The following PPFIBP2 variants were observed in gnomAD, a reference collection of about 807,000 sequenced individuals.
PPFIBP2 encodes the protein liprin-beta-2.
In PPFIBP2, 118 loss-of-function variants were observed where a neutral mutation model predicts 118.3. The observed-to-expected ratio is 1.00, with a 90% CI of 0.86 to 1.16. The LOEUF (loss-of-function observed/expected upper bound fraction) is 1.16. PPFIBP2 is among the 50% of genes most tolerant of loss of function. The pLI, the probability that PPFIBP2 is intolerant of heterozygous loss-of-function variation, is 0.00. For missense variants in PPFIBP2, 1,195 were observed against 1,073.1 expected (o/e 1.11, Z -1.59); for synonymous variants, 414 against 397.4 (o/e 1.04, Z -0.50).
chr11:7,635,320 C>T (rs190123773), intron 13 of PPFIBP2, among the ~76,000 whole-genome samples: 12 of 152,288 alleles, frequency 7.9e-5, no homozygotes, highest in East Asian at 1.9e-4. Flanking sequence ...CCCATGGTCA[C>T]GTGTCTCTCG....
intron 3 of PPFIBP2, among the ~76,000 whole-genome samples, chr11:7,580,983 C>G (rs972835667): frequency 2.2e-4 from 34 of 152,318 alleles, no homozygotes; most frequent in African/African-American, 7.9e-4. Flanking sequence ...AGATCAAGGT[C>G]TCAAACCAAG....
intron 6 of PPFIBP2, among the ~76,000 whole-genome samples, chr11:7,615,577 T>G (rs977108312): frequency 4.6e-5 from 7 of 152,208 alleles, no homozygotes; most frequent in Admixed American, 3.3e-4. Flanking sequence ...ACCTATTTGT[T>G]AGCTCCTAAA....
intron 8 of PPFIBP2, among the ~76,000 whole-genome samples, chr11:7,626,436 T>C (rs895488401): frequency 1.3e-5 from 2 of 152,236 alleles, no homozygotes; most frequent in African/African-American, 4.8e-5. Flanking sequence ...TATTATTCTC[T>C]AATTCATCAT....
the PPFIBP2 span, among the ~76,000 whole-genome samples, chr11:7,663,597 TTTTG>T: frequency 2.3e-3 from 354 of 152,342 alleles, 1 homozygote; most frequent in African/African-American, 8.1e-3. Flanking sequence ...ACTTCTGTCT[TTTTG>T]TTTGTCTGTT....
chr11:7,665,124 T>G, the PPFIBP2 span: 1 of 363,548 alleles, frequency 2.8e-6, no homozygotes, highest in Non-Finnish European at 5.0e-6. Context: ...TTGAGTTTAT[T>G]TCACAAAACC....
chr11:7,553,754 A>G (rs534845426), intron 2 of PPFIBP2, among the ~76,000 whole-genome samples: 1 of 152,232 alleles, frequency 6.6e-6, no homozygotes, highest in South Asian at 2.1e-4. Context: ...TGTTTTATTG[A>G]TATTAGTATT....
chr11:7,648,335 A>T, intron 17 of PPFIBP2, 52 bp from the exon 18 acceptor site: 1 of 1,550,246 alleles, frequency 6.5e-7, no homozygotes, highest in Non-Finnish European at 8.8e-7. Flanking sequence ...GATTAGATTC[A>T]GAACCTCAGG....
intron 1 of PPFIBP2, among the ~76,000 whole-genome samples, chr11:7,537,568 C>T (rs983986657): frequency 3.9e-5 from 6 of 152,240 alleles, no homozygotes; most frequent in African/African-American, 1.2e-4. Context: ...AAGATAGACT[C>T]TCATTTACGT....
chr11:7,537,607 G>A (rs1013234183), intron 1 of PPFIBP2, among the ~76,000 whole-genome samples: 2 of 152,178 alleles, frequency 1.3e-5, no homozygotes, highest in African/African-American at 4.8e-5. Flanking sequence ...CTTTCTGAGC[G>A]GTTCAGAAGG....
chr11:7,516,782 T>C (rs1432722424), intron 1 of PPFIBP2, among the ~76,000 whole-genome samples: 1 of 152,174 alleles, frequency 6.6e-6, no homozygotes, highest in Admixed American at 6.5e-5. Flanking sequence ...CCGGCTGTCT[T>C]CCTGCTTCTG....
At chr11:7,580,185 C>T (rs1053749281) in intron 3 of PPFIBP2, among the ~76,000 whole-genome samples, 7 of 152,146 alleles carry the variant, frequency 4.6e-5, no homozygotes, top group Non-Finnish European at 8.8e-5. Flanking sequence ...ATGACCACCT[C>T]CTCTCTAACT....
chr11:7,613,386 A>G (rs374808330), intron 6 of PPFIBP2, among the ~76,000 whole-genome samples: 3 of 152,192 alleles, frequency 2.0e-5, no homozygotes, highest in African/African-American at 7.2e-5. Context: ...TCATTCTGTA[A>G]GACCTAGGGA....
chr11:7,607,769 T>G (rs1408391727), intron 5 of PPFIBP2, among the ~76,000 whole-genome samples: 1 of 152,234 alleles, frequency 6.6e-6, no homozygotes, highest in Non-Finnish European at 1.5e-5. Context: ...TACATTATAG[T>G]CCATCTCTAG....
At chr11:7,660,811 G>A (rs2136091580), downstream of PPFIBP2, among the ~76,000 whole-genome samples, 1 of 151,550 alleles carries the variant, frequency 6.6e-6, no homozygotes, top group East Asian at 1.9e-4. Context: ...ATTGATTATT[G>A]CCACAATTTC....
At chr11:7,618,263 G>A (rs865903721) in intron 6 of PPFIBP2, among the ~76,000 whole-genome samples, 4 of 152,276 alleles carry the variant, frequency 2.6e-5, no homozygotes, top group Non-Finnish European at 2.9e-5. Context: ...GGGTGTTGGC[G>A]CATGACCTAT....
Position 7,649,214 on chromosome 11 carries a change from A to G in PPFIBP2, c.1977A>G (p.Arg659=). 1 of 1,613,804 alleles carries G rather than the reference A, an allele frequency of 6.2e-7. No homozygotes were observed. Among genetic ancestry groups the G allele is most frequent in the East Asian group, 2.2e-5 (1 of 44,884 alleles). The part of the protein sequence containing the change: ...DQFHESRVDR[R]MLQYLTVNDL... Reference sequence around the variant, plus strand: ...TTCATGAATCTAGAGTTGACAGACGAATGCTGCAATACCTAACTGTGGTGA... The same window carrying G: ...TTCATGAATCTAGAGTTGACAGACGGATGCTGCAATACCTAACTGTGGTGA... Residue 659 remains arginine, a synonymous_variant, in exon 20 of 24, where the codon CGA becomes CGG. Transcript: ENST00000299492.
At chr11:7,622,058 A>G (rs1169000037) in intron 7 of PPFIBP2, among the ~76,000 whole-genome samples, 3 of 152,174 alleles carry the variant, frequency 2.0e-5, no homozygotes, top group Non-Finnish European at 4.4e-5. Flanking sequence ...CTACAGGTAA[A>G]TAGCTTAGAC....
chr11:7,580,488 G>A (rs928175366), intron 3 of PPFIBP2, among the ~76,000 whole-genome samples: 1 of 152,206 alleles, frequency 6.6e-6, no homozygotes, highest in Non-Finnish European at 1.5e-5. Flanking sequence ...AGTCCAAGGT[G>A]GTGGTGTCTC....
intron 3 of PPFIBP2, among the ~76,000 whole-genome samples, chr11:7,587,532 G>T (rs1312534766): frequency 6.6e-6 from 1 of 152,226 alleles, no homozygotes; most frequent in African/African-American, 2.4e-5. Context: ...GGCCAAGAGG[G>T]AACCAACAGG....
Sources: allele counts gnomAD v4.1 joint callset (sites outside exome capture counted in the v4.1 genomes callset), GRCh38; gene constraint gnomAD v4.1.1; transcripts MANE v1.5; gene names NCBI Gene and HGNC (gene_info 2026-07-23, HGNC 2026-07-21).